Variants in HS6ST3 observed in about 807,000 individuals in gnomAD.
HS6ST3 encodes the protein heparan-sulfate 6-O-sulfotransferase 3.
Under a neutral mutation model 36.7 loss-of-function variants are expected in HS6ST3, and 12 were observed. The observed-to-expected ratio is 0.33, with a 90% CI of 0.21 to 0.53. The LOEUF (loss-of-function observed/expected upper bound fraction) is 0.53, where lower values mean the gene tolerates loss of function less well. Ranked by LOEUF, HS6ST3 falls within the 20% of genes least tolerant of loss-of-function variation. The pLI is 0.95. For missense variants in HS6ST3, 584 were observed against 640.9 expected (o/e 0.91, Z 0.96); for synonymous variants, 240 against 257.5 (o/e 0.93, Z 0.65).
chr13:96,653,587 A>G (rs2056614896), intron 1 of HS6ST3, among the ~76,000 whole-genome samples: 1 of 151,940 alleles, frequency 6.6e-6, no homozygotes, highest in African/African-American at 2.4e-5. Context: ...TATGTGCCAC[A>G]TTTTCTTTAT....
In HS6ST3 at chr13:96,317,361, T is replaced by A. The variant is rs1335224085; in HGVS notation, c.707+225792T>A. ...ATATATATATATATATATATATATA[T>A]ATATATAAAATTATATATATATATA... On this transcript the variant is annotated intron_variant, in intron 1 of 1. Transcript: ENST00000376705. 2.7e-4 allele frequency among the ~76,000 whole-genome samples: 8 copies of A among 29,470 alleles called. No homozygotes were observed. The East Asian group carries it at 7.0e-3, about 26-fold the overall frequency. The allele number at this position is 29,470 out of a possible 152,430, so 19.3% of individuals were successfully genotyped here.
intron 1 of HS6ST3, among the ~76,000 whole-genome samples, chr13:96,106,153 A>T (rs1239242840): frequency 1.3e-5 from 2 of 152,252 alleles, no homozygotes; most frequent in African/African-American, 4.8e-5. Flanking sequence ...TAGTTGTTAA[A>T]GTATTAACGT....
chr13:96,785,780 G>C (rs1364130827), intron 1 of HS6ST3, among the ~76,000 whole-genome samples: 2 of 152,158 alleles, frequency 1.3e-5, no homozygotes, highest in African/African-American at 4.8e-5. Flanking sequence ...ATTTTATTGA[G>C]CACCTACTAT....
chr13:96,146,777 T>C (rs186829847), intron 1 of HS6ST3, among the ~76,000 whole-genome samples: 1 of 152,298 alleles, frequency 6.6e-6, no homozygotes, highest in East Asian at 1.9e-4. Flanking sequence ...GTTTATTGAG[T>C]ACTTTATGAT....
intron 1 of HS6ST3, among the ~76,000 whole-genome samples, chr13:96,221,598 C>G (rs1411673722): frequency 1.3e-5 from 2 of 152,032 alleles, no homozygotes; most frequent in African/African-American, 4.8e-5. Flanking sequence ...GGACTTTAGT[C>G]TACTGACCAA....
At chr13:96,663,920 C>T (rs991544877) in intron 1 of HS6ST3, among the ~76,000 whole-genome samples, 2 of 152,066 alleles carry the variant, frequency 1.3e-5, no homozygotes, top group Non-Finnish European at 2.9e-5. Flanking sequence ...TATAAGATAT[C>T]CATAAAAGGC....
chr13:96,326,553 AC>A (rs1415809197), intron 1 of HS6ST3, among the ~76,000 whole-genome samples: 2 of 152,132 alleles, frequency 1.3e-5, no homozygotes, highest in Non-Finnish European at 2.9e-5. Flanking sequence ...TATATGTGCC[AC>A]ATTTTCTTGA....
chr13:96,520,924 C>T (rs140455761), intron 1 of HS6ST3, among the ~76,000 whole-genome samples: 2,466 of 152,128 alleles, frequency 0.016, 68 homozygotes, highest in African/African-American at 0.055. Flanking sequence ...TGTCTTGTGC[C>T]GGTTTTCAAA....
chr13:96,486,803 A>T (rs952767472), intron 1 of HS6ST3, among the ~76,000 whole-genome samples: 1 of 152,124 alleles, frequency 6.6e-6, no homozygotes, highest in Non-Finnish European at 1.5e-5. Context: ...GGGAGCCTGA[A>T]ATGAGAACAG....
At chr13:96,615,772 T>C (rs2056472352) in intron 1 of HS6ST3, among the ~76,000 whole-genome samples, 1 of 152,216 alleles carries the variant, frequency 6.6e-6, no homozygotes, top group Non-Finnish European at 1.5e-5. Flanking sequence ...ATCCTAGGCA[T>C]TCTGCAAACA....
chr13:96,427,600 A>G (rs1349868778), intron 1 of HS6ST3, among the ~76,000 whole-genome samples: 9 of 152,114 alleles, frequency 5.9e-5, no homozygotes, highest in Non-Finnish European at 7.4e-5. Context: ...AAAACATTAC[A>G]AAGATAGAAC....
rs761117322 is a variant in HS6ST3, at chr13:96,833,224, G to C, written c.*26G>C. Reference sequence around the variant, plus strand: ...CCTCCTGCCCTCTCCTCTCTCAGGAGGGGGAGGGTGAGCAGGCACATTGAC... The same window carrying C: ...CCTCCTGCCCTCTCCTCTCTCAGGACGGGGAGGGTGAGCAGGCACATTGAC... On this transcript the variant is annotated 3_prime_UTR_variant, in exon 2 of 2. Coordinates refer to ENST00000376705, the MANE Select transcript of HS6ST3 (RefSeq NM_153456.4). The C allele has an allele frequency of 2.0e-6, 3 of 1,476,818 alleles. No individual in the cohort carries two copies. Among genetic ancestry groups the C allele is most frequent in the East Asian group, 2.4e-5 (1 of 42,144 alleles). 91.5% of individuals were successfully genotyped at this position (1,476,818 alleles called of 1,614,324 possible).
At chr13:96,250,888 T>G (rs2054604797) in intron 1 of HS6ST3, among the ~76,000 whole-genome samples, 1 of 152,232 alleles carries the variant, frequency 6.6e-6, no homozygotes, top group Non-Finnish European at 1.5e-5. Context: ...TGGATCACAT[T>G]TATTTATTTG....
intron 1 of HS6ST3, among the ~76,000 whole-genome samples, chr13:96,449,188 C>T (rs2055714842): frequency 6.6e-6 from 1 of 152,146 alleles, no homozygotes; most frequent in Admixed American, 6.5e-5. Context: ...TCTCAAACTC[C>T]TGGGCTCAAG....
intron 1 of HS6ST3, among the ~76,000 whole-genome samples, chr13:96,713,738 C>A (rs890479355): frequency 3.3e-5 from 5 of 151,792 alleles, no homozygotes; most frequent in African/African-American, 1.2e-4. Context: ...GAAATAAGTT[C>A]TTTATCTTTA....
intron 1 of HS6ST3, among the ~76,000 whole-genome samples, chr13:96,481,417 A>G (rs1171571528): frequency 6.6e-6 from 1 of 152,160 alleles, no homozygotes; most frequent in Admixed American, 6.5e-5. Context: ...ATTTTTCTCT[A>G]GAGTAAAGCC....
At chr13:96,293,758 T>C (rs1251579500) in intron 1 of HS6ST3, among the ~76,000 whole-genome samples, 1 of 152,096 alleles carries the variant, frequency 6.6e-6, no homozygotes, top group Non-Finnish European at 1.5e-5. Context: ...GGTAAGAGAA[T>C]GAAGTGGAAA....
At chr13:96,540,431 C>T (rs1009160733) in intron 1 of HS6ST3, among the ~76,000 whole-genome samples, 3 of 151,954 alleles carry the variant, frequency 2.0e-5, no homozygotes, top group Non-Finnish European at 2.9e-5. Flanking sequence ...TTAACTTGTC[C>T]CTTCACTTAC....
chr13:96,541,330 C>A lies in HS6ST3; in HGVS notation c.708-291160C>A, dbSNP rs926586224. 2.6e-5 allele frequency among the ~76,000 whole-genome samples: 4 copies of A among 152,248 alleles called. No individual in the cohort carries two copies. The South Asian group carries it at 8.3e-4, about 32-fold the overall frequency. On this transcript the variant is annotated intron_variant, in intron 1 of 1. Transcript: ENST00000376705. ...GGGATTACAGGTGTGAGCCACTGTG[C>A]CCAGCCCCATTTAGATCAAGTCTGA... is the stretch of plus-strand genomic sequence containing the variant.
Sources: gnomAD v4.1 joint callset for allele counts (sites outside exome capture counted in the v4.1 genomes callset) on GRCh38, gnomAD v4.1.1 for gene constraint, MANE v1.5 for transcripts, NCBI Gene and HGNC (gene_info 2026-07-23, HGNC 2026-07-21) for gene names.